The following CHRNB2 variants were observed in gnomAD, a reference collection of about 807,000 sequenced individuals.
CHRNB2 encodes the protein neuronal acetylcholine receptor subunit beta-2.
A neutral mutation model predicts 42.7 loss-of-function variants in CHRNB2; 33 were observed. That is an observed-to-expected ratio of 0.77 (90% CI 0.59 to 1.03). The LOEUF (loss-of-function observed/expected upper bound fraction) is 1.03, where lower values mean the gene tolerates loss of function less well. Among genes scored for constraint, CHRNB2 ranks in the 50% least tolerant of loss-of-function variants. The pLI, the probability that CHRNB2 is intolerant of heterozygous loss-of-function variation, is 0.00. For synonymous variants in CHRNB2, 325 were observed against 292.9 expected (o/e 1.11, Z -1.12); for missense variants, 603 against 700.9 (o/e 0.86, Z 1.58).
intron 5 of CHRNB2, among the ~76,000 whole-genome samples, chr1:154,573,177 T>C (rs1696210207): frequency 6.6e-6 from 1 of 152,076 alleles, no homozygotes; most frequent in African/African-American, 2.4e-5. Context: ...GGAGATGGGG[T>C]GGGAACCTTA....
At position 154,579,535 on chromosome 1, in the gene CHRNB2, C is replaced by T. The variant is rs200399705; in HGVS notation, c.*3603C>T. The T allele has an allele frequency of 6.6e-6, 1 of 152,398 alleles. No individual in the cohort carries two copies. The highest frequency in any genetic ancestry group is 2.4e-5 in the African/African-American group (1 of 41,458). 9.4% of individuals were successfully genotyped at this position (152,398 alleles called of 1,614,324 possible). ...GTAGACCTGGTTCCAGTTGTCCCCC[C>T]CTTGTTTCCGGGCAGAGTCAGGCAG... On this transcript the variant is annotated 3_prime_UTR_variant, in exon 6 of 6. Transcript: ENST00000368476.
intron 5 of CHRNB2, 121 bp downstream of exon 5, chr1:154,572,282 G>A: frequency 6.7e-7 from 1 of 1,501,172 alleles, no homozygotes; most frequent in Non-Finnish European, 8.9e-7. Context: ...GGAGGAAAAT[G>A]TGAGTCAGGC....
chr1:154,571,961 G>A lies in CHRNB2; in HGVS notation c.1138G>A (p.Glu380Lys). The change falls in exon 5 of 6, where the codon GAA (glutamate) becomes AAA (lysine). Residue 380 changes from glutamate (E) to lysine (K), a missense_variant. Glu to Lys is a moderately conservative substitution (Grantham distance 56). Around this residue, in one of 2 missense-constraint regions of CHRNB2, gnomAD observed 270 missense variants for 248.3 expected, o/e 1.09. Transcript: ENST00000368476. This position sits in a 1 kb window ranked among gnomAD's most constrained non-coding sequence, Gnocchi z 6.8. ...GGGCGCTGGAGCCCTCTTCTTCCGC[G>A]AAGCCCCAGGGGCCGACTCCTGCAC... ...REGAGALFFR[E>K]APGADSCTCF... is the part of the protein sequence containing the mutation. 6.5e-7 allele frequency: 1 copy of A among 1,542,816 alleles called. No individual in the cohort carries two copies. Among genetic ancestry groups the A allele is most frequent in the Non-Finnish European group, 8.7e-7 (1 of 1,149,218 alleles).
chr1:154,575,656 G>A, intron 5 of CHRNB2, 106 bp from the exon 6 acceptor site: 1 of 1,123,618 alleles, frequency 8.9e-7, no homozygotes, highest in Non-Finnish European at 1.3e-6. Flanking sequence ...TGGGATCACT[G>A]CAGGAGAGGA....
chr1:154,568,099 C>T lies in CHRNB2; in HGVS notation c.55C>T (p.Leu19=), dbSNP rs759012592. The part of the protein sequence containing the change: ...ALLLGFGLLR[L]CSGVWGTDTE... The stretch of plus-strand genomic sequence containing the variant: ...GCTCCTTGGCTTCGGCCTCCTCCGG[C>T]TGTGCTCAGGTAAGGGAAAGACGGG... The change falls in exon 1 of 6, where the codon CTG becomes TTG. Residue 19 remains leucine (L), a synonymous_variant. Transcript: ENST00000368476. 6.2e-7 allele frequency: 1 copy of T among 1,603,196 alleles called. No homozygotes were observed. Among genetic ancestry groups the T allele is most frequent in the South Asian group, 1.1e-5 (1 of 89,032 alleles).
At chr1:154,569,143 G>A (rs548563837) in intron 1 of CHRNB2, among the ~76,000 whole-genome samples, 1 of 152,130 alleles carries the variant, frequency 6.6e-6, no homozygotes, top group East Asian at 2.0e-4. Flanking sequence ...GGGAAGCCAT[G>A]GAAGCAGAAA....
rs1430820061 is a variant in CHRNB2 at position 154,579,144 on chromosome 1, A to C, written c.*3212A>C. 6.6e-6 allele frequency: 1 copy of C among 152,358 alleles called. No individual in the cohort carries two copies. The highest frequency in any genetic ancestry group is 1.9e-4 in the East Asian group (1 of 5,194). 9.4% of individuals were successfully genotyped at this position (152,358 alleles called of 1,614,324 possible). On this transcript the variant is annotated 3_prime_UTR_variant, in exon 6 of 6. Coordinates refer to ENST00000368476, the MANE Select transcript of CHRNB2 (RefSeq NM_000748.3). ...GTTCTACTGAGGAAGGCTACGGCAG[A>C]GGAAGGGCAAGACCGTTTCCCCCAA...
In CHRNB2 at chr1:154,571,708, G is replaced by C; in HGVS notation, c.885G>C (p.Pro295=). 2 of 1,613,742 alleles carry C rather than the reference G, an allele frequency of 1.2e-6. No individual in the cohort carries two copies. Among genetic ancestry groups the C allele is most frequent in the South Asian group, 1.1e-5 (1 of 90,982 alleles). ...KIVPPTSLDV[P]LVGKYLMFTM... ...TGCCTCCCACCTCCCTCGACGTGCC[G>C]CTCGTCGGCAAGTACCTCATGTTCA... The change falls in exon 5 of 6, where the codon CCG becomes CCC. Residue 295 remains proline, a synonymous_variant. Coordinates refer to ENST00000368476, the MANE Select transcript of CHRNB2 (RefSeq NM_000748.3). The surrounding 1 kb of genome is among the most constrained non-coding windows in gnomAD (Gnocchi z 6.8).
In CHRNB2 at chr1:154,569,460, A is replaced by G; in HGVS notation, c.65-2A>G. On this transcript the variant is annotated splice_acceptor_variant, in intron 1 of 5. Coordinates refer to ENST00000368476, the MANE Select transcript of CHRNB2 (RefSeq NM_000748.3). LOFTEE classifies it high-confidence loss of function. ...CTTTCGTCCTGCCTTTCCCCTGCCC[A>G]GGGGTGTGGGGTACGGATACAGAGG... 6.2e-7 allele frequency: 1 copy of G among 1,613,704 alleles called. No homozygotes were observed.
At position 154,569,471 on chromosome 1, in the gene CHRNB2, G is replaced by A; in HGVS notation, c.74G>A (p.Gly25Asp). ...CCTTTCCCCTGCCCAGGGGTGTGGG[G>A]TACGGATACAGAGGAGCGGCTGGTG... is the stretch of plus-strand genomic sequence containing the variant. Reference protein sequence around the residue: ...GLLRLCSGVWGTDTEERLVEH... With the variant: ...GLLRLCSGVWDTDTEERLVEH... Residue 25 changes from glycine to aspartate, a missense_variant, in exon 2 of 6, where the codon GGT becomes GAT. Physicochemically the swap from Gly to Asp is moderately conservative, Grantham distance 94 (BLOSUM62 -1). Around this residue, in one of 2 missense-constraint regions of CHRNB2, gnomAD observed 333 missense variants for 452.6 expected, o/e 0.74. Coordinates refer to ENST00000368476, the MANE Select transcript of CHRNB2 (RefSeq NM_000748.3). 1 of 1,613,876 alleles carries A rather than the reference G, an allele frequency of 6.2e-7. No individual in the cohort carries two copies.
At chr1:154,568,771 ATGAG>A (rs1327915264) in intron 1 of CHRNB2, among the ~76,000 whole-genome samples, 1 of 151,814 alleles carries the variant, frequency 6.6e-6, no homozygotes, top group African/African-American at 2.4e-5. Flanking sequence ...GCACAACTGA[ATGAG>A]CTTTCCACAC....
intron 4 of CHRNB2, among the ~76,000 whole-genome samples, chr1:154,570,667 T>C (rs1458412953): frequency 6.6e-6 from 1 of 152,058 alleles, no homozygotes; most frequent in Non-Finnish European, 1.5e-5. Context: ...AGGAACAGGC[T>C]TTCCTGGAAG....
chr1:154,570,857 C>G (rs1443038501), intron 4 of CHRNB2, among the ~76,000 whole-genome samples: 1 of 152,154 alleles, frequency 6.6e-6, no homozygotes, highest in Non-Finnish European at 1.5e-5. Context: ...CCCCTGACTT[C>G]TCCACCCTCA....
intron 5 of CHRNB2, among the ~76,000 whole-genome samples, chr1:154,574,048 C>A (rs1696224516): frequency 6.6e-6 from 1 of 152,224 alleles, no homozygotes; most frequent in Non-Finnish European, 1.5e-5. Context: ...CTGCGCCCAG[C>A]CTGGCTTATC....
In CHRNB2 at chr1:154,576,577, C is replaced by T; in HGVS notation, c.*645C>T. 6.1e-6 allele frequency: 1 copy of T among 162,664 alleles called. No homozygotes were observed. Among genetic ancestry groups the T allele is most frequent in the Non-Finnish European group, 1.4e-5 (1 of 73,846 alleles). 10.1% of individuals were successfully genotyped at this position (162,664 alleles called of 1,614,324 possible). Reference sequence around the variant, plus strand: ...TGCTTCTAAGGGATCCAGAGACCTGCTCCAGATCCTCTTTCCCCACTGAAG... The same window carrying T: ...TGCTTCTAAGGGATCCAGAGACCTGTTCCAGATCCTCTTTCCCCACTGAAG... On this transcript the variant is annotated 3_prime_UTR_variant, in exon 6 of 6. Coordinates refer to ENST00000368476, the MANE Select transcript of CHRNB2 (RefSeq NM_000748.3).
chr1:154,573,417 T>C (rs1197115199), intron 5 of CHRNB2, among the ~76,000 whole-genome samples: 1 of 152,212 alleles, frequency 6.6e-6, no homozygotes, highest in East Asian at 1.9e-4. Flanking sequence ...CACCAGTTTT[T>C]AGTACACGGC....
Position 154,568,034 on chromosome 1 carries a change from A to C in CHRNB2, c.-11A>C. ...GCCGGTGTAGGCGAGGCAGCGAGCT[A>C]TGCCCGCGGCATGGCCCGGCGCTGC... On this transcript the variant is annotated 5_prime_UTR_variant, in exon 1 of 6. The change abolishes an upstream ATG in the 5' untranslated region. Coordinates refer to ENST00000368476, the MANE Select transcript of CHRNB2 (RefSeq NM_000748.3). 6 of 1,583,180 alleles carry C rather than the reference A, an allele frequency of 3.8e-6. No homozygotes were observed. The highest frequency in any genetic ancestry group is 5.1e-6 in the Non-Finnish European group (6 of 1,167,800).
At chr1:154,569,932 C>A in intron 3 of CHRNB2, 96 bp downstream of exon 3, 2 of 1,427,236 alleles carry the variant, frequency 1.4e-6, no homozygotes, top group Non-Finnish European at 2.0e-6. Flanking sequence ...TCAAAACAGG[C>A]AGAAAGGTAT....
In CHRNB2 at chr1:154,575,900, C is replaced by T. The variant is rs960649517; in HGVS notation, c.1477C>T (p.His493Tyr). ...GAACTACACCACCACCACCTTCCTCCACTCAGACCACTCAGCCCCCAGCTC... is the reference window on the plus strand; with the variant it reads ...GAACTACACCACCACCACCTTCCTCTACTCAGACCACTCAGCCCCCAGCTC... Reference protein sequence around the residue: ...FQNYTTTTFLHSDHSAPSSK With the variant: ...FQNYTTTTFLYSDHSAPSSK Residue 493 changes from histidine (H) to tyrosine (Y), a missense_variant, in exon 6 of 6, where the codon CAC (histidine) becomes TAC (tyrosine). Physicochemically the swap from His to Tyr is moderately conservative, Grantham distance 83 (BLOSUM62 2). This residue lies in a region of CHRNB2 where 270 missense variants were observed against 248.3 expected (regional missense o/e 1.09). Coordinates refer to ENST00000368476, the MANE Select transcript of CHRNB2 (RefSeq NM_000748.3). The T allele has an allele frequency of 6.2e-7, 1 of 1,614,098 alleles. No homozygotes were observed. The highest frequency in any genetic ancestry group is 1.3e-5 in the African/African-American group (1 of 74,922).
Sources: gnomAD v4.1 joint callset for allele counts (sites outside exome capture counted in the v4.1 genomes callset) on GRCh38, gnomAD v4.1.1 for gene constraint, gnomAD v4.1.1 regional missense constraint, Gnocchi (gnomAD v3.1) non-coding constraint, MANE v1.5 for transcripts, NCBI Gene and HGNC (gene_info 2026-07-23, HGNC 2026-07-21) for gene names.